Variants in EYS observed in about 807,000 individuals in gnomAD.
The protein encoded by EYS is protein eyes shut homolog.
A neutral mutation model predicts 282.1 loss-of-function variants in EYS; 250 were observed. The observed-to-expected ratio is 0.89, with a 90% CI of 0.80 to 0.98. EYS has a LOEUF of 0.98. EYS is among the 50% of genes least tolerant of loss of function. The probability of loss-of-function intolerance (pLI) is 0.00; values close to 1 mark genes in which losing one functional copy is unlikely to be tolerated. For synonymous variants in EYS, 1,355 were observed against 1,282.9 expected, an observed-to-expected ratio of 1.06 and a Z score of -1.20; for missense variants, 4,016 against 3,709.0, an observed-to-expected ratio of 1.08 and a Z score of -2.15.
chr6:64,413,902 T>A (rs150143246), intron 28 of EYS, among the ~76,000 whole-genome samples: 2 of 152,248 alleles, frequency 1.3e-5, no homozygotes, highest in Non-Finnish European at 2.9e-5. Context: ...ATGAATAAGA[T>A]TAGTGCCTTT....
chr6:64,278,603 T>C (rs1768196536), intron 30 of EYS, among the ~76,000 whole-genome samples: 1 of 152,138 alleles, frequency 6.6e-6, no homozygotes, highest in Non-Finnish European at 1.5e-5. Context: ...AAGTTCAAAT[T>C]TTTCTTGATA....
intron 31 of EYS, among the ~76,000 whole-genome samples, chr6:64,122,216 T>C (rs1773613535): frequency 6.6e-6 from 1 of 152,156 alleles, no homozygotes; most frequent in African/African-American, 2.4e-5. Context: ...AATTGTAGAA[T>C]TGTTGCCACC....
chr6:64,659,122 C>T (rs532645242), intron 22 of EYS, among the ~76,000 whole-genome samples: 43 of 152,004 alleles, frequency 2.8e-4, no homozygotes, highest in African/African-American at 9.9e-4. Flanking sequence ...GAACAACCTG[C>T]TCCTGAATGA....
intron 12 of EYS, among the ~76,000 whole-genome samples, chr6:65,278,283 A>C: frequency 2.2e-5 from 1 of 45,238 alleles, no homozygotes; most frequent in Admixed American, 3.9e-4. Context: ...TATATATTCT[A>C]TATATATATT....
At chr6:64,346,942 T>A (rs1292857189) in intron 29 of EYS, among the ~76,000 whole-genome samples, 9 of 151,462 alleles carry the variant, frequency 5.9e-5, no homozygotes, top group Non-Finnish European at 1.2e-4. Flanking sequence ...CAACAAAAAC[T>A]TTTCTAGCTT....
chr6:64,565,337 C>G (rs1336945475), intron 26 of EYS, among the ~76,000 whole-genome samples: 1 of 151,860 alleles, frequency 6.6e-6, no homozygotes, highest in African/African-American at 2.4e-5. Context: ...ACATTTAAGT[C>G]TTAAATTCAT....
intron 12 of EYS, among the ~76,000 whole-genome samples, chr6:65,204,921 T>C (rs1183509230): frequency 8.6e-6 from 1 of 115,766 alleles, no homozygotes; most frequent in Non-Finnish European, 1.8e-5. Context: ...ATATATTCTT[T>C]ATATATTCTA....
At chr6:64,884,651 T>C (rs1275583785) in intron 19 of EYS, among the ~76,000 whole-genome samples, 2 of 151,488 alleles carry the variant, frequency 1.3e-5, no homozygotes, top group African/African-American at 4.8e-5. Flanking sequence ...TATCTGTCCA[T>C]GTATGAAAGA....
At chr6:65,067,329 C>G (rs1327219095) in intron 12 of EYS, among the ~76,000 whole-genome samples, 2 of 151,810 alleles carry the variant, frequency 1.3e-5, no homozygotes, top group Non-Finnish European at 2.9e-5. Context: ...CTTCCTTAGT[C>G]CCTAAAAATT....
intron 12 of EYS, among the ~76,000 whole-genome samples, chr6:65,089,441 C>T (rs1233629880): frequency 6.6e-6 from 1 of 152,066 alleles, no homozygotes; most frequent in African/African-American, 2.4e-5. Context: ...AATGACTGCC[C>T]TATTAGATTT....
intron 12 of EYS, among the ~76,000 whole-genome samples, chr6:65,284,459 T>C (rs1357012987): frequency 1.3e-5 from 2 of 152,122 alleles, no homozygotes; most frequent in Non-Finnish European, 2.9e-5. Flanking sequence ...TTTTACCATG[T>C]ATGCTTATAA....
At chr6:64,184,180 C>A (rs934236601) in intron 31 of EYS, among the ~76,000 whole-genome samples, 2 of 152,118 alleles carry the variant, frequency 1.3e-5, no homozygotes, top group Non-Finnish European at 2.9e-5. Flanking sequence ...CTCCTTAGTG[C>A]CTGTCTCTTG....
chr6:64,178,679 C>A (rs1485808513), intron 31 of EYS, among the ~76,000 whole-genome samples: 1 of 151,848 alleles, frequency 6.6e-6, no homozygotes, highest in Non-Finnish European at 1.5e-5. Flanking sequence ...ACATGACAAA[C>A]AAAGGATTTT....
intron 30 of EYS, among the ~76,000 whole-genome samples, chr6:64,246,889 GAAATTAAATTGA>G (rs57359638): frequency 0.015 from 2,331 of 152,138 alleles, 56 homozygotes; most frequent in African/African-American, 0.053. Flanking sequence ...GGGAATGCAG[GAAATTAAATTGA>G]AAATTATATA....
chr6:63,948,849 T>C (rs1218785864), intron 35 of EYS, among the ~76,000 whole-genome samples: 1 of 152,100 alleles, frequency 6.6e-6, no homozygotes, highest in Non-Finnish European at 1.5e-5. Context: ...ACATACTGTA[T>C]ATATAATATG....
At chr6:64,028,583 G>A (rs544150672) in intron 33 of EYS, among the ~76,000 whole-genome samples, 2 of 152,284 alleles carry the variant, frequency 1.3e-5, no homozygotes, top group East Asian at 3.9e-4. Context: ...ATATTCCCCT[G>A]CACTCTGAGT....
At chr6:64,863,614 TGGG>T (rs1766319265) in intron 19 of EYS, among the ~76,000 whole-genome samples, 1 of 152,194 alleles carries the variant, frequency 6.6e-6, no homozygotes, top group Non-Finnish European at 1.5e-5. Context: ...AAGCCTCCTT[TGGG>T]TGCACTTAGA....
chr6:64,781,707 C>A (rs560398541), intron 22 of EYS, among the ~76,000 whole-genome samples: 14 of 152,108 alleles, frequency 9.2e-5, no homozygotes, highest in Admixed American at 5.9e-4. Context: ...TGACTGCTAT[C>A]AAGTTTTCAA....
At chr6:65,261,106 T>C (rs759740394) in intron 12 of EYS, among the ~76,000 whole-genome samples, 11 of 152,008 alleles carry the variant, frequency 7.2e-5, no homozygotes, top group Non-Finnish European at 1.6e-4. Flanking sequence ...CAGAATGCAT[T>C]ACGAACATTT....
Sources: allele counts gnomAD v4.1 joint callset (sites outside exome capture counted in the v4.1 genomes callset), GRCh38; gene constraint gnomAD v4.1.1; transcripts MANE v1.5; gene names NCBI Gene and HGNC (gene_info 2026-07-23, HGNC 2026-07-21).